Variants in USP25 observed in about 807,000 individuals in gnomAD.
USP25 encodes ubiquitin specific peptidase 25, also known as ubiquitin carboxyl-terminal hydrolase 25.
A neutral mutation model predicts 158.5 loss-of-function variants in USP25; 85 were observed. That is an observed-to-expected ratio of 0.54 (90% CI 0.45 to 0.64). The LOEUF is 0.64. Ranked by LOEUF, USP25 falls within the 30% of genes least tolerant of loss-of-function variation. USP25 has a pLI of 0.00. For synonymous variants in USP25, 464 were observed against 460.4 expected (o/e 1.01, Z -0.10); for missense variants, 1,242 against 1,327.3 (o/e 0.94, Z 1.00).
intron 3 of USP25, among the ~76,000 whole-genome samples, chr21:15,767,111 A>T (rs2034082730): frequency 6.6e-6 from 1 of 152,072 alleles, no homozygotes; most frequent in Non-Finnish European, 1.5e-5. Flanking sequence ...AGACCTGTTT[A>T]CTTAACGTCT....
At chr21:15,753,976 G>A (rs1022581898) in intron 1 of USP25, among the ~76,000 whole-genome samples, 15 of 152,072 alleles carry the variant, frequency 9.9e-5, no homozygotes, top group African/African-American at 3.6e-4. Context: ...GTGAATAAAG[G>A]GTGTCTTGTG....
Position 15,878,620 on chromosome 21 carries a change from C to T in USP25, c.*145C>T. The T allele has an allele frequency of 1.2e-6, 1 of 820,622 alleles. No homozygotes were observed. Among genetic ancestry groups the T allele is most frequent in the Non-Finnish European group, 1.7e-6 (1 of 576,264 alleles). 50.8% of individuals were successfully genotyped at this position (820,622 alleles called of 1,614,324 possible). On this transcript the variant is annotated 3_prime_UTR_variant, in exon 26 of 26. Coordinates refer to ENST00000400183, the MANE Select transcript of USP25 (RefSeq NM_001283041.3). The stretch of plus-strand genomic sequence containing the variant: ...GCAAAAGACAAAATGACTATACAGA[C>T]TTTAGTCAGACTGCAGACAATAAAG...
intron 14 of USP25, among the ~76,000 whole-genome samples, chr21:15,828,099 T>G (rs2037616274): frequency 6.6e-6 from 1 of 152,180 alleles, no homozygotes; most frequent in South Asian, 2.1e-4. Flanking sequence ...TGTTGGATAT[T>G]ATATGACCAA....
rs936117973 is a variant in USP25, at chr21:15,762,944, C to T, written c.99C>T (p.Thr33=). 6 of 1,612,338 alleles carry T rather than the reference C, an allele frequency of 3.7e-6. No homozygotes were observed. Among genetic ancestry groups the T allele is most frequent in the Non-Finnish European group, 5.1e-6 (6 of 1,179,112 alleles). The change falls in exon 2 of 26, where the codon ACC becomes ACT. Residue 33 remains threonine (T), a synonymous_variant. Coordinates refer to ENST00000400183, the MANE Select transcript of USP25 (RefSeq NM_001283041.3). The part of the protein sequence containing the change: ...QLREITGIND[T]QILQQALKDS... ...GAGAAATTACGGGGATTAATGACAC[C>T]CAGATACTACAGCAAGCCTTGAAGG...
chr21:15,826,280 A>G lies in USP25; in HGVS notation c.1381A>G (p.Ser461Gly), dbSNP rs1470898197. The part of the protein sequence containing the change: ...VLQYALEFAS[S>G]KPVCTSPVDD... ...TCAGTATGCATTGGAATTTGCCTCAAGTAAACCTGTTTGCACTTCTCCTGT... is the reference window on the plus strand; with the variant it reads ...TCAGTATGCATTGGAATTTGCCTCAGGTAAACCTGTTTGCACTTCTCCTGT... Residue 461 changes from serine to glycine, a missense_variant, in exon 13 of 26, where the codon AGT (serine) becomes GGT (glycine). This residue lies in a region of USP25 where 627 missense variants were observed against 701.4 expected (regional missense o/e 0.89). Coordinates refer to ENST00000400183, the MANE Select transcript of USP25 (RefSeq NM_001283041.3). The surrounding 1 kb of genome is among the most constrained non-coding windows in gnomAD (Gnocchi z 4.8). 6.2e-7 allele frequency: 1 copy of G among 1,614,118 alleles called. No individual in the cohort carries two copies. The highest frequency in any genetic ancestry group is 8.5e-7 in the Non-Finnish European group (1 of 1,179,978).
chr21:15,828,930 C>T (rs1263526796), intron 14 of USP25, among the ~76,000 whole-genome samples: 2 of 152,144 alleles, frequency 1.3e-5, no homozygotes, highest in South Asian at 2.1e-4. Context: ...AGCCACCATG[C>T]CTGGCTGTTA....
At chr21:15,836,849 A>G (rs111434957) in intron 17 of USP25, among the ~76,000 whole-genome samples, 8 of 126,488 alleles carry the variant, frequency 6.3e-5, no homozygotes, top group Non-Finnish European at 3.3e-5. Flanking sequence ...GTGGATCAGA[A>G]TGAGTAGGGG....
At chr21:15,776,363 C>G (rs1361999259) in intron 3 of USP25, among the ~76,000 whole-genome samples, 1 of 152,050 alleles carries the variant, frequency 6.6e-6, no homozygotes, top group African/African-American at 2.4e-5. Context: ...CCACTTCCTT[C>G]CATGATCAGG....
chr21:15,878,458 C>T lies in USP25; in HGVS notation c.3361C>T (p.Pro1121Ser). ...AATCATGTTGTCCCTCAGTCGAACT[C>T]CTGCTGATGGAAGATAAACTGCACA... ...ARIMLSLSRT[P>S]ADGR is the part of the protein sequence containing the mutation. The change falls in exon 26 of 26, where the codon CCT (proline) becomes TCT (serine). Residue 1121 changes from proline (P) to serine (S), a missense_variant. By Grantham distance (74) the Pro-to-Ser change is moderately conservative. This residue lies in a region of USP25 where 608 missense variants were observed against 605.2 expected (regional missense o/e 1.00). Transcript: ENST00000400183. The T allele has an allele frequency of 6.2e-7, 1 of 1,613,984 alleles. No homozygotes were observed. The highest frequency in any genetic ancestry group is 2.2e-5 in the East Asian group (1 of 44,882).
intron 1 of USP25, among the ~76,000 whole-genome samples, chr21:15,761,941 G>A (rs752802280): frequency 6.6e-6 from 1 of 152,160 alleles, no homozygotes; most frequent in Non-Finnish European, 1.5e-5. Flanking sequence ...AAGTGAGCTT[G>A]CTGTAGACCT....
intron 11 of USP25, among the ~76,000 whole-genome samples, 172 bp downstream of exon 11, chr21:15,824,338 G>A (rs919651599): frequency 3.3e-5 from 5 of 152,110 alleles, no homozygotes; most frequent in Admixed American, 6.5e-5. Context: ...GAAAAGTATA[G>A]TTTTTGGGAA....
chr21:15,730,974 C>CTTTTTTTTTTTTTTTTTTTTTTT (rs1420306163), intron 1 of USP25, among the ~76,000 whole-genome samples: 1 of 60,348 alleles, frequency 1.7e-5, no homozygotes, highest in Non-Finnish European at 3.1e-5. Context: ...TTCTTCTTTT[C>CTTTTTTTTTTTTTTTTTTTTTTT]TGTTTTTTTT....
intron 5 of USP25, 22 bp downstream of exon 5, chr21:15,791,686 G>T: frequency 6.3e-7 from 1 of 1,594,578 alleles, no homozygotes; most frequent in South Asian, 1.1e-5. Context: ...TCTTTATTCA[G>T]TTCTTATTTG....
chr21:15,765,475 G>A (rs369581278), intron 2 of USP25, among the ~76,000 whole-genome samples: 4,184 of 152,012 alleles, frequency 0.028, 84 homozygotes, highest in South Asian at 0.049. Context: ...AGAGTTCTGT[G>A]TGTCTTTCCA....
chr21:15,824,269 A>T lies in USP25; in HGVS notation c.1208+103A>T, dbSNP rs775123961. On this transcript the variant is annotated intron_variant, in intron 11 of 25. Coordinates refer to ENST00000400183, the MANE Select transcript of USP25 (RefSeq NM_001283041.3). ...CATAATTTTCTTAGAATTAATTTCTACTTTTGCATAATATACCTAATACCA... is the reference window on the plus strand; with the variant it reads ...CATAATTTTCTTAGAATTAATTTCTTCTTTTGCATAATATACCTAATACCA... 5 of 1,390,762 alleles carry T rather than the reference A, an allele frequency of 3.6e-6. No individual in the cohort carries two copies. The East Asian group carries it at 1.2e-4, about 33-fold the overall frequency. The allele number at this position is 1,390,762 out of a possible 1,614,324, so 86.2% of individuals were successfully genotyped here.
At chr21:15,799,301 TC>T (rs1342814819) in intron 5 of USP25, among the ~76,000 whole-genome samples, 1 of 151,256 alleles carries the variant, frequency 6.6e-6, no homozygotes, top group East Asian at 1.9e-4. Context: ...ATTGTGTACT[TC>T]CTTGAGCATT....
intron 6 of USP25, among the ~76,000 whole-genome samples, chr21:15,800,084 G>A (rs576095187): frequency 6.6e-6 from 1 of 150,686 alleles, no homozygotes; most frequent in Non-Finnish European, 1.5e-5. Context: ...TAATTTTTTT[G>A]GGGGGGACTG....
At chr21:15,853,755 G>A (rs1019609847) in intron 20 of USP25, among the ~76,000 whole-genome samples, 1 of 151,830 alleles carries the variant, frequency 6.6e-6, no homozygotes, top group Admixed American at 6.6e-5. Flanking sequence ...TGCAATTAGG[G>A]TTATGTTAGC....
chr21:15,808,691 TC>T (rs1321414767), intron 7 of USP25, 117 bp from the exon 8 acceptor site: 13 of 630,066 alleles, frequency 2.1e-5, no homozygotes, highest in Non-Finnish European at 3.4e-5. Flanking sequence ...TCACTTGTTA[TC>T]TTTGTAAGGA....
Sources: allele counts gnomAD v4.1 joint callset (sites outside exome capture counted in the v4.1 genomes callset), GRCh38; gene constraint gnomAD v4.1.1; regional missense constraint gnomAD v4.1.1; non-coding constraint Gnocchi (gnomAD v3.1); transcripts MANE v1.5; gene names NCBI Gene and HGNC (gene_info 2026-07-23, HGNC 2026-07-21).